The following CSMD1 variants were observed in gnomAD, a reference collection of about 807,000 sequenced individuals.
CSMD1 encodes CUB and Sushi multiple domains 1.
Under a neutral mutation model 417.5 loss-of-function variants are expected in CSMD1, and 213 were observed. The observed-to-expected ratio is 0.51, with a 90% confidence interval of 0.46 to 0.57. The LOEUF is 0.57. CSMD1 is among the 20% of genes least tolerant of loss of function. The pLI is 0.00. For synonymous variants in CSMD1, 2,862 were observed against 1,736.8 expected (o/e 1.65, Z -16.11); for missense variants, 6,923 against 4,529.7 (o/e 1.53, Z -15.17).
chr8:3,605,666 A>G (rs1374565950), intron 8 of CSMD1, among the ~76,000 whole-genome samples: 1 of 152,226 alleles, frequency 6.6e-6, no homozygotes, highest in African/African-American at 2.4e-5. Context: ...TGAAAAATAA[A>G]CATGGTATCC....
chr8:3,314,429 G>C (rs925957360), intron 23 of CSMD1, among the ~76,000 whole-genome samples: 9 of 152,032 alleles, frequency 5.9e-5, no homozygotes, highest in African/African-American at 2.2e-4. Context: ...TTTCTATCTT[G>C]AAGCCACTAG....
At chr8:3,223,968 AT>A in intron 27 of CSMD1, 101 bp from the exon 28 acceptor site, 1 of 1,190,758 alleles carries the variant, frequency 8.4e-7, no homozygotes, top group African/African-American at 1.5e-5. Flanking sequence ...AGAAAAAGAC[AT>A]CAGCATTTTT....
chr8:3,014,628 GT>G (rs1459618754), intron 52 of CSMD1, among the ~76,000 whole-genome samples: 1 of 152,134 alleles, frequency 6.6e-6, no homozygotes, highest in African/African-American at 2.4e-5. Context: ...GGGCGTGCCA[GT>G]TTCTGATTTT....
At chr8:3,319,766 G>A (rs1009020626) in intron 23 of CSMD1, among the ~76,000 whole-genome samples, 54 of 151,970 alleles carry the variant, frequency 3.6e-4, no homozygotes, top group African/African-American at 1.2e-3. Context: ...ACGTCAGCCG[G>A]GCTATTTTTA....
intron 3 of CSMD1, among the ~76,000 whole-genome samples, chr8:4,383,040 C>G (rs1803206645): frequency 6.6e-6 from 1 of 152,176 alleles, no homozygotes; most frequent in Admixed American, 6.5e-5. Flanking sequence ...ATTCTGGTCT[C>G]TGTCAGCATT....
intron 1 of CSMD1, among the ~76,000 whole-genome samples, chr8:4,757,659 G>C (rs905598291): frequency 6.6e-6 from 1 of 152,054 alleles, no homozygotes; most frequent in Non-Finnish European, 1.5e-5. Context: ...TCATAATTTT[G>C]TGTAAAAAGC....
intron 5 of CSMD1, among the ~76,000 whole-genome samples, chr8:3,848,540 C>T (rs772591535): frequency 5.9e-5 from 9 of 152,188 alleles, no homozygotes; most frequent in Non-Finnish European, 1.0e-4. Flanking sequence ...TTAATTTACT[C>T]AATACCACTT....
In CSMD1 at chr8:4,978,098, G is replaced by A. The variant is rs115020885; in HGVS notation, c.85+16234C>T. On this transcript the variant is annotated intron_variant, in intron 1 of 69. Transcript: ENST00000635120. ...AAGTGTGTATCTCGATCATGGCCAC[G>A]TGAGTTCTGGGTAGCCTATTCCAAA... is the stretch of plus-strand genomic sequence containing the variant. Among the ~76,000 whole-genome samples the A allele has an allele frequency of 3.4e-3, 518 of 152,302 alleles. 3 individuals carry two copies. The highest frequency in any genetic ancestry group is 0.012 in the African/African-American group (495 of 41,558).
intron 3 of CSMD1, among the ~76,000 whole-genome samples, chr8:4,090,679 C>G (rs1245744532): frequency 1.3e-5 from 2 of 152,148 alleles, no homozygotes; most frequent in African/African-American, 4.8e-5. Flanking sequence ...CATCAATTTC[C>G]TAATTTTATC....
intron 5 of CSMD1, among the ~76,000 whole-genome samples, chr8:3,816,639 G>T (rs1037199982): frequency 6.6e-6 from 1 of 152,060 alleles, no homozygotes; most frequent in Admixed American, 6.6e-5. Flanking sequence ...TAATTTGGAT[G>T]TTTCTAACAT....
chr8:3,701,275 C>A (rs1173590304), intron 7 of CSMD1, among the ~76,000 whole-genome samples: 1 of 152,146 alleles, frequency 6.6e-6, no homozygotes, highest in Admixed American at 6.5e-5. Flanking sequence ...GGACAACTTT[C>A]CGAAGATGAA....
chr8:3,809,097 T>C (rs1800914965), intron 5 of CSMD1, among the ~76,000 whole-genome samples: 2 of 152,140 alleles, frequency 1.3e-5, no homozygotes, highest in Admixed American at 1.3e-4. Context: ...TATGACAACC[T>C]GCCACCGGGC....
chr8:4,604,812 T>C (rs1294020462), intron 2 of CSMD1, among the ~76,000 whole-genome samples: 2 of 152,206 alleles, frequency 1.3e-5, no homozygotes, highest in Non-Finnish European at 2.9e-5. Context: ...TAGTTGTACC[T>C]CCTTTTTTCA....
chr8:4,008,298 T>C (rs1176627977), intron 4 of CSMD1, among the ~76,000 whole-genome samples: 1 of 152,090 alleles, frequency 6.6e-6, no homozygotes, highest in Non-Finnish European at 1.5e-5. Context: ...ACAAATATAG[T>C]TATTCTGTTC....
At chr8:4,574,007 C>A (rs7016953) in intron 2 of CSMD1, among the ~76,000 whole-genome samples, 4 of 152,202 alleles carry the variant, frequency 2.6e-5, no homozygotes, top group Non-Finnish European at 5.9e-5. Context: ...CGACTTCAGA[C>A]TGCTGTGCTG....
intron 8 of CSMD1, among the ~76,000 whole-genome samples, chr8:3,603,843 CTACTT>C (rs1801478327): frequency 6.6e-6 from 1 of 152,158 alleles, no homozygotes; most frequent in African/African-American, 2.4e-5. Flanking sequence ...TCCATACTTT[CTACTT>C]TTTCTTCTAG....
chr8:3,810,494 G>A (rs1308360835), intron 5 of CSMD1, among the ~76,000 whole-genome samples: 2 of 152,080 alleles, frequency 1.3e-5, no homozygotes, highest in Non-Finnish European at 2.9e-5. Context: ...TTTGGGACCT[G>A]GGGCTGGTCA....
intron 3 of CSMD1, among the ~76,000 whole-genome samples, chr8:4,126,433 C>G (rs1185795597): frequency 6.6e-6 from 1 of 152,152 alleles, no homozygotes; most frequent in African/African-American, 2.4e-5. Flanking sequence ...CTAGCGAAGA[C>G]ACAAACCAAC....
chr8:4,262,629 C>T (rs924579771), intron 3 of CSMD1, among the ~76,000 whole-genome samples: 2 of 152,204 alleles, frequency 1.3e-5, no homozygotes, highest in East Asian at 3.9e-4. Flanking sequence ...ACAGCCATCG[C>T]CACCCAGTTA....
Sources: allele counts gnomAD v4.1 joint callset (sites outside exome capture counted in the v4.1 genomes callset), GRCh38; gene constraint gnomAD v4.1.1; transcripts MANE v1.5; gene names NCBI Gene and HGNC (gene_info 2026-07-23, HGNC 2026-07-21).